Variants in C2CD3 observed in about 807,000 individuals in gnomAD.
C2CD3 encodes C2 domain containing 3 centriole elongation regulator.
C2CD3 carries 148 observed loss-of-function variants against 234.0 expected under a neutral mutation model. The observed-to-expected ratio is 0.63, with a 90% confidence interval of 0.55 to 0.72. The LOEUF (loss-of-function observed/expected upper bound fraction) is 0.72, where lower values mean the gene tolerates loss of function less well. Among genes scored for constraint, C2CD3 ranks in the 30% least tolerant of loss-of-function variants. C2CD3 has a pLI of 0.00. For missense variants in C2CD3, 2,577 were observed against 2,811.5 expected, an observed-to-expected ratio of 0.92 and a Z score of 1.89; for synonymous variants, 1,000 against 1,035.4, an observed-to-expected ratio of 0.97 and a Z score of 0.66.
chr11:74,092,375 T>C (rs371566936), intron 19 of C2CD3, 41 bp downstream of exon 19: 6 of 1,561,020 alleles, frequency 3.8e-6, no homozygotes, highest in East Asian at 4.5e-5. Flanking sequence ...TTTTTATGTA[T>C]ACTGATTTTG....
At chr11:74,082,701 A>G (rs1031591844) in intron 22 of C2CD3, among the ~76,000 whole-genome samples, 3 of 152,138 alleles carry the variant, frequency 2.0e-5, no homozygotes, top group African/African-American at 7.2e-5. Context: ...CCTCCCCCAA[A>G]GGGAATAAAA....
At position 74,042,087 on chromosome 11, in the gene C2CD3, A is replaced by G; in HGVS notation, c.5627T>C (p.Leu1876Ser). ...PCDDKLTTSP[L>S]SSQTSILTSL... ...AGTCAGAATGGAGGTTTGGGAGGAC[A>G]AAGGTGATGTGGTCAGTTTGTCATC... Residue 1876 changes from leucine to serine, a missense_variant, in exon 29 of 33, where the codon TTG (leucine) becomes TCG (serine). Physicochemically the swap from Leu to Ser is moderately radical, Grantham distance 145. Transcript: ENST00000334126. The G allele has an allele frequency of 6.2e-7, 1 of 1,614,156 alleles. No individual in the cohort carries two copies. Among genetic ancestry groups the G allele is most frequent in the Non-Finnish European group, 8.5e-7 (1 of 1,180,014 alleles).
At chr11:74,079,129 G>A (rs1480901244) in intron 22 of C2CD3, among the ~76,000 whole-genome samples, 1 of 152,202 alleles carries the variant, frequency 6.6e-6, no homozygotes, top group Non-Finnish European at 1.5e-5. Context: ...ATGGTACTAT[G>A]AGTGCAACAG....
chr11:74,151,661 T>G (rs1420455111), intron 3 of C2CD3, among the ~76,000 whole-genome samples: 1 of 152,104 alleles, frequency 6.6e-6, no homozygotes, highest in Non-Finnish European at 1.5e-5. Flanking sequence ...AAAAATAAAG[T>G]GCACAATTTA....
At position 74,133,457 on chromosome 11, in the gene C2CD3, A is replaced by C; in HGVS notation, c.1056T>G (p.Pro352=). ...TSMLLDQVHP[P]INEDSLRAST... is the part of the protein sequence containing the mutation. The stretch of plus-strand genomic sequence containing the variant: ...ATGCTCTAAGAGAATCTTCATTAAT[A>C]GGAGGATGAACTTGGTCCAACAACA... Residue 352 remains proline (P), a synonymous_variant, in exon 6 of 33, where the codon CCT becomes CCG. Coordinates refer to ENST00000334126, the MANE Select transcript of C2CD3 (RefSeq NM_001286577.2). 6.2e-7 allele frequency: 1 copy of C among 1,613,718 alleles called. No individual in the cohort carries two copies. The highest frequency in any genetic ancestry group is 1.7e-5 in the Admixed American group (1 of 60,012).
intron 9 of C2CD3, among the ~76,000 whole-genome samples, chr11:74,115,389 T>G (rs1328452334): frequency 6.6e-6 from 1 of 152,172 alleles, no homozygotes; most frequent in Non-Finnish European, 1.5e-5. Context: ...TAACTACTAT[T>G]GTCACTTTTG....
intron 28 of C2CD3, among the ~76,000 whole-genome samples, chr11:74,043,644 CT>C (rs769717534): frequency 0.013 from 1,825 of 144,632 alleles, 11 homozygotes; most frequent in Non-Finnish European, 0.016. Flanking sequence ...CTTGAGATAT[CT>C]TTTTTTTTTT....
chr11:74,077,819 ATATATATATATATATATATATATATATT>A (rs1344241580), intron 23 of C2CD3, among the ~76,000 whole-genome samples: 786 of 23,610 alleles, frequency 0.033, 135 homozygotes, highest in African/African-American at 0.12. Flanking sequence ...ATATATATAT[ATATATATATATATATATATATATATATT>A]ATCTCTTTAG....
intron 12 of C2CD3, among the ~76,000 whole-genome samples, chr11:74,106,995 C>T (rs1046227518): frequency 2.0e-5 from 3 of 152,166 alleles, no homozygotes; most frequent in Non-Finnish European, 4.4e-5. Context: ...CTCTTTGGCC[C>T]AGTAATTCCA....
chr11:74,023,771 T>A (rs1488455639), intron 32 of C2CD3, among the ~76,000 whole-genome samples: 2 of 151,896 alleles, frequency 1.3e-5, no homozygotes, highest in Non-Finnish European at 2.9e-5. Context: ...AAAAACAACC[T>A]CCCTTGGTCT....
intron 32 of C2CD3, among the ~76,000 whole-genome samples, chr11:74,014,527 G>A (rs1000577915): frequency 7.6e-6 from 1 of 131,174 alleles, no homozygotes; most frequent in East Asian, 1.9e-4. Flanking sequence ...GAGGCCCAGC[G>A]AGAGTTGCGC....
intron 24 of C2CD3, among the ~76,000 whole-genome samples, chr11:74,065,140 G>A (rs556306488): frequency 1.3e-5 from 2 of 152,270 alleles, no homozygotes; most frequent in Non-Finnish European, 2.9e-5. Context: ...TACAGAATGG[G>A]AGAAAATTTT....
In C2CD3 at chr11:74,013,482, C is replaced by G. The variant is rs987815138; in HGVS notation, c.6965G>C (p.Cys2322Ser). 21 of 1,413,698 alleles carry G rather than the reference C, an allele frequency of 1.5e-5. No homozygotes were observed. In the Admixed American group the frequency reaches 5.9e-4, roughly 39 times the overall value. The allele number at this position is 1,413,698 out of a possible 1,614,324, so 87.6% of individuals were successfully genotyped here. Residue 2322 changes from cysteine (C) to serine (S), a missense_variant, in exon 33 of 33, where the codon TGT becomes TCT. Cys to Ser is a moderately radical substitution (Grantham distance 112, BLOSUM62 -1). Transcript: ENST00000334126. Reference protein sequence around the residue: ...ATRGALSQRPCRPRPNSLPLN... With the variant: ...ATRGALSQRPSRPRPNSLPLN... ...GGGGAGCGAGTTAGGTCTGGGGCGA[C>G]AAGGCCTTTGGGAGAGAGCTCCCCT...
intron 21 of C2CD3, 188 bp downstream of exon 21, chr11:74,085,430 C>T (rs945763942): frequency 1.2e-5 from 7 of 596,336 alleles, no homozygotes; most frequent in African/African-American, 1.1e-4. Flanking sequence ...CTTTATTTCT[C>T]TCTACACTAT....
intron 19 of C2CD3, among the ~76,000 whole-genome samples, chr11:74,092,060 A>AT (rs967073569): frequency 6.1e-5 from 9 of 148,226 alleles, no homozygotes; most frequent in Non-Finnish European, 9.0e-5. Flanking sequence ...ATATATATAT[A>AT]TTTTTTTTTT....
intron 24 of C2CD3, 77 bp downstream of exon 24, chr11:74,074,176 T>C (rs1011928635): frequency 2.4e-5 from 24 of 984,502 alleles, no homozygotes; most frequent in Non-Finnish European, 3.7e-5. Flanking sequence ...GATCCTGCCA[T>C]GATTTGAAAG....
chr11:74,133,354 C>T, intron 6 of C2CD3, 71 bp downstream of exon 6: 2 of 1,407,192 alleles, frequency 1.4e-6, no homozygotes, highest in Non-Finnish European at 1.0e-6. Context: ...TAGTCCATAA[C>T]TTGACAAAAA....
intron 3 of C2CD3, among the ~76,000 whole-genome samples, chr11:74,141,415 C>T (rs903344589): frequency 4.6e-5 from 7 of 152,152 alleles, no homozygotes; most frequent in African/African-American, 1.7e-4. Context: ...GAAGTGTTCC[C>T]TTACCATTCA....
chr11:74,031,172 AG>A (rs538285292), intron 31 of C2CD3, among the ~76,000 whole-genome samples: 3 of 152,242 alleles, frequency 2.0e-5, no homozygotes, highest in Non-Finnish European at 2.9e-5. Context: ...TGTGCTAGGC[AG>A]TTTACATGAT....
Sources: gnomAD v4.1 joint callset for allele counts (sites outside exome capture counted in the v4.1 genomes callset) on GRCh38, gnomAD v4.1.1 for gene constraint, MANE v1.5 for transcripts, NCBI Gene and HGNC (gene_info 2026-07-23, HGNC 2026-07-21) for gene names.